EPHA10: variants seen among roughly 807,000 people sequenced by gnomAD.
EPHA10 encodes the protein ephrin type-A receptor 10.
A neutral mutation model predicts 109.7 loss-of-function variants in EPHA10; 120 were observed. That is an observed-to-expected ratio of 1.09 (90% confidence interval 0.94 to 1.27). EPHA10 has a LOEUF of 1.27. EPHA10 is among the 50% of genes most tolerant of loss of function. The probability of loss-of-function intolerance (pLI) is 0.00; values close to 1 mark genes in which losing one functional copy is unlikely to be tolerated. For synonymous variants in EPHA10, 640 were observed against 618.9 expected (o/e 1.03, Z -0.51); for missense variants, 1,396 against 1,411.1 (o/e 0.99, Z 0.17).
chr1:37,721,348 A>G (rs1645792693), intron 11 of EPHA10, among the ~76,000 whole-genome samples: 1 of 150,662 alleles, frequency 6.6e-6, no homozygotes, highest in Non-Finnish European at 1.5e-5. Flanking sequence ...GAATGGCATG[A>G]TCCCAGGAGG....
rs1246856425 is a variant in EPHA10, at chr1:37,716,327, T to C, written c.*2045A>G. The C allele has an allele frequency of 1.6e-5, 4 of 246,332 alleles. No individual in the cohort carries two copies. The highest frequency in any genetic ancestry group is 2.2e-5 in the African/African-American group (1 of 45,252). The allele number at this position is 246,332 out of a possible 1,614,324, so 15.3% of individuals were successfully genotyped here. The stretch of plus-strand genomic sequence containing the variant: ...AAACAGCTGGGGTAGGGGGAGGAGA[T>C]TTTGCCCTGCAGAGAATGACTGATG... On this transcript the variant is annotated 3_prime_UTR_variant, in exon 17 of 17. Coordinates refer to ENST00000373048, the MANE Select transcript of EPHA10 (RefSeq NM_001099439.2).
Position 37,761,523 on chromosome 1 carries a change from C to G in EPHA10, c.732G>C (p.Ser244=). Residue 244 remains serine (S), a synonymous_variant, in exon 3 of 17, where the codon TCG becomes TCC. Coordinates refer to ENST00000373048, the MANE Select transcript of EPHA10 (RefSeq NM_001099439.2). Reference sequence around the variant, plus strand: ...GTGGGGGGCTGCCAGGCTCCCCTTCCGAGTGCGCCACGCACGTTCCGGCCA... The same window carrying G: ...GTGGGGGGCTGCCAGGCTCCCCTTCGGAGTGCGCCACGCACGTTCCGGCCA... ...VEVAGTCVAH[S]EGEPGSPPRM... The G allele has an allele frequency of 6.3e-7, 1 of 1,599,398 alleles. No homozygotes were observed. Among genetic ancestry groups the G allele is most frequent in the Non-Finnish European group, 8.5e-7 (1 of 1,177,942 alleles).
Position 37,719,519 on chromosome 1 carries a change from T to C in EPHA10, c.2651A>G (p.Gln884Arg). ...LLHRLMLDCW[Q>R]KDPGERPRFS... ...CCTGGGCCGCTCACCTGGGTCCTTC[T>C]GCCAGCAGTCGAGCATTAGTCGGTG... Residue 884 changes from glutamine to arginine, a missense_variant, in exon 15 of 17, where the codon CAG becomes CGG. Gln to Arg is a conservative substitution (Grantham distance 43, BLOSUM62 1). Transcript: ENST00000373048. The C allele has an allele frequency of 1.9e-6, 3 of 1,614,040 alleles. No homozygotes were observed. The highest frequency in any genetic ancestry group is 2.5e-6 in the Non-Finnish European group (3 of 1,180,026).
intron 5 of EPHA10, among the ~76,000 whole-genome samples, chr1:37,736,498 A>AAG (rs1646074722): frequency 6.9e-6 from 1 of 144,432 alleles, no homozygotes; most frequent in Non-Finnish European, 1.5e-5. Context: ...AAAAAAAAAA[A>AAG]AGAGATTGAG....
intron 5 of EPHA10, among the ~76,000 whole-genome samples, chr1:37,748,312 T>C (rs1646271151): frequency 6.6e-6 from 1 of 152,206 alleles, no homozygotes. Flanking sequence ...TGAGCTGAGA[T>C]GGTGCCATTG....
In EPHA10 at chr1:37,731,311, A is replaced by G. The variant is rs971305444; in HGVS notation, c.1663+100T>C. ...TCTGCAGGCTCCCTTCATTGCACAGATAACTCCAGATAACTCTCCCCCTCT... is the reference window on the plus strand; with the variant it reads ...TCTGCAGGCTCCCTTCATTGCACAGGTAACTCCAGATAACTCTCCCCCTCT... On this transcript the variant is annotated intron_variant, in intron 7 of 16. Transcript: ENST00000373048. The G allele has an allele frequency of 3.7e-5, 49 of 1,307,514 alleles. No individual in the cohort carries two copies. In the East Asian group the frequency reaches 6.7e-4, roughly 18 times the overall value. The allele number at this position is 1,307,514 out of a possible 1,614,324, so 81.0% of individuals were successfully genotyped here. A position where few individuals can be genotyped will look rare whatever the true frequency, so the allele number is the denominator to read the frequency against.
In EPHA10 at chr1:37,762,037, G is replaced by C. The variant is rs1249742783; in HGVS notation, c.218C>G (p.Thr73Arg). ...GVDEHDRPIR[T>R]YQVCNVLEPN... Reference sequence around the variant, plus strand: ...CTCCAGCACATTGCACACTTGGTACGTGCGGATGGGACGGTCGTGTTCATC... The same window carrying C: ...CTCCAGCACATTGCACACTTGGTACCTGCGGATGGGACGGTCGTGTTCATC... The change falls in exon 3 of 17, where the codon ACG becomes AGG. Residue 73 changes from threonine to arginine, a missense_variant. By Grantham distance (71) the Thr-to-Arg change is moderately conservative. Transcript: ENST00000373048. 5.0e-6 allele frequency: 8 copies of C among 1,611,000 alleles called. No homozygotes were observed. The highest frequency in any genetic ancestry group is 2.2e-5 in the East Asian group (1 of 44,840).
chr1:37,720,814 A>G lies in EPHA10; in HGVS notation c.2177T>C (p.Met726Thr), dbSNP rs747022989. 9 of 1,614,004 alleles carry G rather than the reference A, an allele frequency of 5.6e-6. No individual in the cohort carries two copies. The highest frequency in any genetic ancestry group is 5.3e-5 in the African/African-American group (4 of 74,926). Reference sequence around the variant, plus strand: ...GAAGCCGTCCAGGGCCCCATGGCTCATGTACTCGGTGACAATCATCAAGGT... The same window carrying G: ...GAAGCCGTCCAGGGCCCCATGGCTCGTGTACTCGGTGACAATCATCAAGGT... ...GSTLMIVTEY[M>T]SHGALDGFLR... The change falls in exon 12 of 17, where the codon ATG becomes ACG. Residue 726 changes from methionine to threonine, a missense_variant. Coordinates refer to ENST00000373048, the MANE Select transcript of EPHA10 (RefSeq NM_001099439.2).
chr1:37,716,645 G>C lies in EPHA10; in HGVS notation c.*1727C>G. ...CTGTGAGTCACTGTCCCCCACCTCTGGGTGCTCTGCAAAGAGGCACTGCAC... is the reference window on the plus strand; with the variant it reads ...CTGTGAGTCACTGTCCCCCACCTCTCGGTGCTCTGCAAAGAGGCACTGCAC... On this transcript the variant is annotated 3_prime_UTR_variant, in exon 17 of 17. Coordinates refer to ENST00000373048, the MANE Select transcript of EPHA10 (RefSeq NM_001099439.2). The C allele has an allele frequency of 8.6e-6, 2 of 232,708 alleles. No individual in the cohort carries two copies. Among genetic ancestry groups the C allele is most frequent in the Non-Finnish European group, 1.7e-5 (2 of 117,776 alleles). 14.4% of individuals were successfully genotyped at this position (232,708 alleles called of 1,614,324 possible).
chr1:37,745,454 G>A (rs1192963293), intron 5 of EPHA10, among the ~76,000 whole-genome samples: 1 of 152,156 alleles, frequency 6.6e-6, no homozygotes, highest in East Asian at 1.9e-4. Flanking sequence ...TGGTAGAGCT[G>A]CTTTGAAAAA....
At chr1:37,752,746 G>T (rs1444860470) in intron 5 of EPHA10, 130 bp downstream of exon 5, 13 of 508,282 alleles carry the variant, frequency 2.6e-5, no homozygotes, top group Non-Finnish European at 3.6e-5. Context: ...GAGGGGCGGG[G>T]TGCGTGTACA....
In EPHA10 at chr1:37,723,116, G is replaced by A. The variant is rs1216898449; in HGVS notation, c.1885C>T (p.Leu629=). ...GCGAACAGATGCACAGCCTGCAGCA[G>A]GTCCCCACAGCTCTGGGGGTCCAGG... ...TFLDPQSCGD[L]LQAVHLFAKE... Residue 629 remains leucine (L), a synonymous_variant, in exon 10 of 17, where the codon CTG becomes TTG. Transcript: ENST00000373048. 1 of 1,614,210 alleles carries A rather than the reference G, an allele frequency of 6.2e-7. No homozygotes were observed. The highest frequency in any genetic ancestry group is 2.2e-5 in the East Asian group (1 of 44,884).
chr1:37,736,646 T>A (rs1175751126), intron 5 of EPHA10, among the ~76,000 whole-genome samples: 1 of 152,072 alleles, frequency 6.6e-6, no homozygotes, highest in Non-Finnish European at 1.5e-5. Context: ...AGGCAGAGGT[T>A]ACAGTGAGCC....
intron 5 of EPHA10, among the ~76,000 whole-genome samples, chr1:37,743,512 A>G: frequency 6.6e-6 from 1 of 152,244 alleles, no homozygotes; most frequent in Admixed American, 6.5e-5. Flanking sequence ...AGAATGCAAA[A>G]TGAACCCCTC....
intron 7 of EPHA10, among the ~76,000 whole-genome samples, chr1:37,728,464 G>A (rs1569662136): frequency 6.6e-6 from 1 of 152,306 alleles, no homozygotes; most frequent in Admixed American, 6.5e-5. Flanking sequence ...AAAGTACTAA[G>A]TGGCCCTGAA....
At chr1:37,722,719 T>C in intron 10 of EPHA10, 1 of 447,152 alleles carries the variant, frequency 2.2e-6, no homozygotes. Context: ...CAGTTATGTC[T>C]GGCCCCTAAG....
Position 37,720,019 on chromosome 1 carries a change from G to T in EPHA10, c.2452C>A (p.Leu818Ile). The T allele has an allele frequency of 6.2e-7, 1 of 1,613,910 alleles. No individual in the cohort carries two copies. Among genetic ancestry groups the T allele is most frequent in the Non-Finnish European group, 8.5e-7 (1 of 1,180,030 alleles). ...GCAGAGCTGAAGTGGCCAAACTGAA[G>T]TGTCTCGGGAGCGGCCCATAGCGCT... Reference protein sequence around the residue: ...SPALWAAPETLQFGHFSSASD... With the variant: ...SPALWAAPETIQFGHFSSASD... The change falls in exon 14 of 17, where the codon CTT (leucine) becomes ATT (isoleucine). Residue 818 changes from leucine to isoleucine, a missense_variant. Coordinates refer to ENST00000373048, the MANE Select transcript of EPHA10 (RefSeq NM_001099439.2).
rs1645714728 is a variant in EPHA10, at chr1:37,717,727, A to T, written c.*645T>A. On this transcript the variant is annotated 3_prime_UTR_variant, in exon 17 of 17. Coordinates refer to ENST00000373048, the MANE Select transcript of EPHA10 (RefSeq NM_001099439.2). ...TCACCCTGAACTGTCAGCCCAAGGC[A>T]GGGGGACACAGAAACCAGATCCTGA... is the stretch of plus-strand genomic sequence containing the variant. The T allele has an allele frequency of 4.3e-6, 1 of 231,098 alleles. No homozygotes were observed. 14.3% of individuals were successfully genotyped at this position (231,098 alleles called of 1,614,324 possible). A position where few individuals can be genotyped will look rare whatever the true frequency, so the allele number is the denominator to read the frequency against.
At chr1:37,761,262 A>T in intron 3 of EPHA10, 143 bp downstream of exon 3, 1 of 1,509,876 alleles carries the variant, frequency 6.6e-7, no homozygotes, top group South Asian at 1.3e-5. Flanking sequence ...ACAAGACTTC[A>T]GGGCTCTCCT....
Sources: allele counts gnomAD v4.1 joint callset (sites outside exome capture counted in the v4.1 genomes callset), GRCh38; gene constraint gnomAD v4.1.1; transcripts MANE v1.5; gene names NCBI Gene and HGNC (gene_info 2026-07-23, HGNC 2026-07-21).